Variants in GRIA4 observed in about 807,000 individuals in gnomAD.
GRIA4 encodes glutamate ionotropic receptor AMPA type subunit 4.
GRIA4 carries 34 observed loss-of-function variants against 104.0 expected under a neutral mutation model. That is an observed-to-expected ratio of 0.33 (90% CI 0.25 to 0.44). GRIA4 has a LOEUF of 0.44. GRIA4 is among the 20% of genes least tolerant of loss of function. The probability of loss-of-function intolerance (pLI) is 1.00; values close to 1 mark genes in which losing one functional copy is unlikely to be tolerated. For missense variants in GRIA4, 750 were observed against 1,096.5 expected (o/e 0.68, Z 4.46); for synonymous variants, 386 against 381.9 (o/e 1.01, Z -0.13).
intron 4 of GRIA4, among the ~76,000 whole-genome samples, chr11:105,805,478 G>GAAAAAAAA (rs57123559): frequency 2.2e-4 from 20 of 92,464 alleles, no homozygotes; most frequent in African/African-American, 9.0e-4. Flanking sequence ...AAGAAATCAG[G>GAAAAAAAA]AAAAAAAAAA....
At chr11:105,756,375 T>G (rs1428708287) in intron 4 of GRIA4, among the ~76,000 whole-genome samples, 2 of 152,134 alleles carry the variant, frequency 1.3e-5, no homozygotes, top group Non-Finnish European at 2.9e-5. Context: ...GTTCTTTTCC[T>G]CATTTCTCCC....
rs605666 is a variant in GRIA4, at chr11:105,904,008, A to G, written c.1053+27A>G. The G allele has an allele frequency of 1.5e-4, 222 of 1,484,470 alleles. No homozygotes were observed. In the African/African-American group the frequency reaches 2.4e-3, roughly 16 times the overall value. The allele number at this position is 1,484,470 out of a possible 1,614,324, so 92.0% of individuals were successfully genotyped here. A position where few individuals can be genotyped will look rare whatever the true frequency, so the allele number is the denominator to read the frequency against. ...TAACTCACAATTTTATTTAAGTTCA[A>G]TTCATTTCATGGTCTTGTTTTAACT... On this transcript the variant is annotated intron_variant, in intron 8 of 16. Coordinates refer to ENST00000282499, the MANE Select transcript of GRIA4 (RefSeq NM_000829.4).
chr11:105,815,821 T>C (rs1418697290), intron 4 of GRIA4, among the ~76,000 whole-genome samples: 3 of 152,206 alleles, frequency 2.0e-5, no homozygotes, highest in South Asian at 2.1e-4. Flanking sequence ...ATGTAAAATT[T>C]TAAGGCCTTA....
chr11:105,956,509 G>A (rs766863413), intron 14 of GRIA4, among the ~76,000 whole-genome samples: 1 of 152,140 alleles, frequency 6.6e-6, no homozygotes, highest in Non-Finnish European at 1.5e-5. Context: ...GTCTATCATT[G>A]ATGGACATTT....
chr11:105,656,418 C>T (rs935491087), intron 3 of GRIA4, among the ~76,000 whole-genome samples: 2 of 151,792 alleles, frequency 1.3e-5, no homozygotes, highest in African/African-American at 2.4e-5. Flanking sequence ...AATAAAAAAA[C>T]CCTAGAAGAA....
At chr11:105,678,923 G>A (rs113042713) in intron 3 of GRIA4, among the ~76,000 whole-genome samples, 15 of 152,158 alleles carry the variant, frequency 9.9e-5, no homozygotes, top group African/African-American at 3.4e-4. Flanking sequence ...CCTGGAAAAG[G>A]TTCCAAAACT....
At chr11:105,904,808 A>G (rs1946984456) in intron 8 of GRIA4, among the ~76,000 whole-genome samples, 1 of 152,204 alleles carries the variant, frequency 6.6e-6, no homozygotes, top group Non-Finnish European at 1.5e-5. Flanking sequence ...TAGCAAGGTG[A>G]GAATATGATC....
rs76432612 is a variant in GRIA4 at position 105,674,179 on chromosome 11, G to A, written c.247+61745G>A. On this transcript the variant is annotated intron_variant, in intron 3 of 16. Coordinates refer to ENST00000282499, the MANE Select transcript of GRIA4 (RefSeq NM_000829.4). ...CTATTTAATAGTGAAACATTCTACC[G>A]ATTTATTACAATCATGTTTATGAAA... Among the ~76,000 whole-genome samples, 339 of 151,976 alleles carry A rather than the reference G, an allele frequency of 2.2e-3. 2 individuals carry two copies. Among genetic ancestry groups the A allele is most frequent in the African/African-American group, 7.8e-3 (322 of 41,508 alleles).
At chr11:105,956,423 G>A (rs1948592575) in intron 14 of GRIA4, among the ~76,000 whole-genome samples, 1 of 152,070 alleles carries the variant, frequency 6.6e-6, no homozygotes, top group Admixed American at 6.6e-5. Flanking sequence ...CCATGTCCCT[G>A]AAAAGGACAT....
chr11:105,779,121 G>T (rs970512509), intron 4 of GRIA4, among the ~76,000 whole-genome samples: 3 of 151,506 alleles, frequency 2.0e-5, no homozygotes, highest in African/African-American at 7.3e-5. Context: ...GAACTCATCA[G>T]TTTTTATGGC....
chr11:105,655,821 G>A (rs1284866595), intron 3 of GRIA4, among the ~76,000 whole-genome samples: 2 of 152,138 alleles, frequency 1.3e-5, no homozygotes, highest in African/African-American at 4.8e-5. Context: ...ATAGGAGAAT[G>A]ATTTATAATC....
At chr11:105,775,738 T>C (rs750120336) in intron 4 of GRIA4, among the ~76,000 whole-genome samples, 2 of 152,026 alleles carry the variant, frequency 1.3e-5, no homozygotes. Context: ...TTATATTAAA[T>C]AGTTAAAAAG....
intron 14 of GRIA4, chr11:105,966,038 G>A (rs1313583447): frequency 6.2e-7 from 1 of 1,612,766 alleles, no homozygotes; most frequent in Non-Finnish European, 8.5e-7. Context: ...AGGAGAATGT[G>A]GCAGCGGGGG....
intron 4 of GRIA4, among the ~76,000 whole-genome samples, chr11:105,768,718 G>T (rs1224509872): frequency 6.6e-6 from 1 of 151,962 alleles, no homozygotes; most frequent in East Asian, 1.9e-4. Context: ...GAGTTAAGTT[G>T]TTCCATTGGA....
At chr11:105,619,253 G>A (rs982335059) in intron 3 of GRIA4, among the ~76,000 whole-genome samples, 7 of 151,794 alleles carry the variant, frequency 4.6e-5, no homozygotes, top group Admixed American at 3.9e-4. Context: ...TCTGAGTCTC[G>A]ATTTCCTAGT....
intron 4 of GRIA4, among the ~76,000 whole-genome samples, chr11:105,828,287 C>G (rs1274631690): frequency 3.9e-5 from 6 of 151,930 alleles, no homozygotes. Context: ...CTGTTTTATT[C>G]TGTATAAAAG....
intron 6 of GRIA4, among the ~76,000 whole-genome samples, chr11:105,889,185 A>G (rs1294255977): frequency 6.6e-6 from 1 of 152,200 alleles, no homozygotes; most frequent in Non-Finnish European, 1.5e-5. Context: ...AAATCAATAC[A>G]AGATGGAATG....
chr11:105,909,818 A>T (rs972450500), intron 9 of GRIA4, among the ~76,000 whole-genome samples: 1 of 152,276 alleles, frequency 6.6e-6, no homozygotes, highest in East Asian at 1.9e-4. Context: ...AATAAAAAAA[A>T]TTTTAAATGA....
chr11:105,978,203 A>G (rs1199567953), intron 16 of GRIA4, among the ~76,000 whole-genome samples: 1 of 152,048 alleles, frequency 6.6e-6, no homozygotes, highest in Non-Finnish European at 1.5e-5. Flanking sequence ...ATATTTACTG[A>G]GTGCCTATTA....
Sources: allele counts gnomAD v4.1 joint callset (sites outside exome capture counted in the v4.1 genomes callset), GRCh38; gene constraint gnomAD v4.1.1; transcripts MANE v1.5; gene names NCBI Gene and HGNC (gene_info 2026-07-23, HGNC 2026-07-21).